Variants in DSCAM observed in about 807,000 individuals in gnomAD.
DSCAM encodes the protein DS cell adhesion molecule, also known as cell adhesion molecule DSCAM.
In DSCAM, 47 loss-of-function variants were observed where a neutral mutation model predicts 217.7. That is an observed-to-expected ratio of 0.22 (90% CI 0.17 to 0.28). The LOEUF is 0.28. Among genes scored for constraint, DSCAM ranks in the 10% least tolerant of loss-of-function variants. The probability of loss-of-function intolerance (pLI) is 1.00; values close to 1 mark genes in which losing one functional copy is unlikely to be tolerated. For missense variants in DSCAM, 2,080 were observed against 2,618.3 expected, an observed-to-expected ratio of 0.79 and a Z score of 4.49; for synonymous variants, 1,056 against 1,015.3, an observed-to-expected ratio of 1.04 and a Z score of -0.76.
At chr21:40,563,123 A>C (rs906711654) in intron 3 of DSCAM, among the ~76,000 whole-genome samples, 2 of 152,108 alleles carry the variant, frequency 1.3e-5, no homozygotes, top group Non-Finnish European at 2.9e-5. Context: ...ACCACATCTC[A>C]AAATGTCAAA....
intron 16 of DSCAM, among the ~76,000 whole-genome samples, chr21:40,158,116 G>A (rs2146752398): frequency 6.6e-6 from 1 of 152,324 alleles, no homozygotes; most frequent in Non-Finnish European, 1.5e-5. Context: ...AAGGCACAGT[G>A]GCTCATGCCT....
intron 2 of DSCAM, among the ~76,000 whole-genome samples, chr21:40,699,765 G>A (rs1020329617): frequency 6.6e-6 from 1 of 152,216 alleles, no homozygotes; most frequent in African/African-American, 2.4e-5. Flanking sequence ...CTGGAAGCTA[G>A]CAGAGGTTGG....
Position 40,075,159 on chromosome 21 carries a change from G to T in DSCAM, c.4766C>A (p.Thr1589Asn), listed in dbSNP as rs767263741. The T allele has an allele frequency of 3.6e-5, 58 of 1,614,100 alleles. No homozygotes were observed. Among genetic ancestry groups the T allele is most frequent in the Middle Eastern group, 3.3e-4 (2 of 6,084 alleles). ...SVVQNEEGLT[T>N]NEGLKMLVTI... Reference sequence around the variant, plus strand: ...CACCAGCATCTTGAGCCCCTCGTTGGTCGTCAGCCCTTCTTCGTTTTGGAC... The same window carrying T: ...CACCAGCATCTTGAGCCCCTCGTTGTTCGTCAGCCCTTCTTCGTTTTGGAC... The change falls in exon 27 of 33, where the codon ACC becomes AAC. Residue 1589 changes from threonine (T) to asparagine (N), a missense_variant. Thr to Asn is a moderately conservative substitution (Grantham distance 65). Coordinates refer to ENST00000400454, the MANE Select transcript of DSCAM (RefSeq NM_001389.5).
chr21:40,772,866 C>A (rs1016917104), intron 1 of DSCAM, among the ~76,000 whole-genome samples: 1 of 152,226 alleles, frequency 6.6e-6, no homozygotes, highest in Non-Finnish European at 1.5e-5. Context: ...ATAACGATTG[C>A]CATAATCGCC....
At chr21:40,742,157 C>T (rs970100509) in intron 1 of DSCAM, among the ~76,000 whole-genome samples, 2 of 152,154 alleles carry the variant, frequency 1.3e-5, no homozygotes, top group South Asian at 2.1e-4. Flanking sequence ...TATATAATTC[C>T]AAGCAGCTTT....
chr21:40,072,405 G>GGT (rs2089304883), intron 27 of DSCAM, among the ~76,000 whole-genome samples: 1 of 148,882 alleles, frequency 6.7e-6, no homozygotes, highest in Non-Finnish European at 1.5e-5. Context: ...GGAGTGCAGT[G>GGT]GCGGGATCTC....
intron 4 of DSCAM, among the ~76,000 whole-genome samples, chr21:40,357,864 A>AC (rs1601583121): frequency 6.6e-6 from 1 of 151,638 alleles, no homozygotes; most frequent in African/African-American, 2.4e-5. Context: ...AGTATAATAA[A>AC]AAAAAACAAA....
chr21:40,654,824 A>G (rs2090055529), intron 3 of DSCAM, among the ~76,000 whole-genome samples: 2 of 152,160 alleles, frequency 1.3e-5, no homozygotes, highest in Non-Finnish European at 2.9e-5. Context: ...ATTCTTAATC[A>G]CATCTGCAAA....
At chr21:40,229,728 G>T (rs867702831) in intron 11 of DSCAM, among the ~76,000 whole-genome samples, 4 of 152,286 alleles carry the variant, frequency 2.6e-5, no homozygotes, top group Middle Eastern at 6.8e-3. Context: ...CCAAACAAAA[G>T]TTTGTATTTA....
At chr21:40,045,774 C>T (rs1180823692) in intron 30 of DSCAM, among the ~76,000 whole-genome samples, 6 of 152,180 alleles carry the variant, frequency 3.9e-5, no homozygotes, top group African/African-American at 1.4e-4. Flanking sequence ...TGGGCTCTCA[C>T]GAAGTTTCAA....
At chr21:40,392,073 T>C (rs1004903756) in intron 3 of DSCAM, among the ~76,000 whole-genome samples, 2 of 152,202 alleles carry the variant, frequency 1.3e-5, no homozygotes, top group African/African-American at 4.8e-5. Flanking sequence ...ATTTCTTATT[T>C]CCTTCATTAT....
intron 3 of DSCAM, chr21:40,383,064 C>G (rs1160468672): frequency 6.6e-6 from 1 of 152,292 alleles, no homozygotes; most frequent in Non-Finnish European, 1.5e-5. Flanking sequence ...GCAGGTCACT[C>G]ATGCCTGTAA....
At chr21:40,335,372 T>C (rs952458218) in intron 8 of DSCAM, among the ~76,000 whole-genome samples, 5 of 152,206 alleles carry the variant, frequency 3.3e-5, no homozygotes, top group African/African-American at 1.2e-4. Context: ...TAGAATTATT[T>C]CCTAAAATCA....
At chr21:40,085,528 T>TTAAAACAA in intron 23 of DSCAM, 74 bp downstream of exon 23, 1 of 1,288,834 alleles carries the variant, frequency 7.8e-7, no homozygotes, top group Non-Finnish European at 1.0e-6. Flanking sequence ...TTTTAAAATT[T>TTAAAACAA]GTTCAGTGCT....
chr21:40,732,251 G>A (rs2091020109), intron 1 of DSCAM, among the ~76,000 whole-genome samples: 1 of 152,168 alleles, frequency 6.6e-6, no homozygotes, highest in Admixed American at 6.5e-5. Context: ...TATCACCCTA[G>A]GACCCTCCCT....
chr21:40,663,632 A>G (rs903552793), intron 3 of DSCAM, among the ~76,000 whole-genome samples: 2 of 152,172 alleles, frequency 1.3e-5, no homozygotes, highest in African/African-American at 4.8e-5. Context: ...GACCCTTCTC[A>G]GGGATTTTGG....
intron 3 of DSCAM, among the ~76,000 whole-genome samples, chr21:40,465,636 T>C (rs2075838404): frequency 6.6e-6 from 1 of 152,248 alleles, no homozygotes; most frequent in Non-Finnish European, 1.5e-5. Context: ...TAAACTTTCT[T>C]AAAACATGAG....
chr21:40,464,082 T>G (rs559591827), intron 3 of DSCAM, among the ~76,000 whole-genome samples: 1 of 152,306 alleles, frequency 6.6e-6, no homozygotes, highest in East Asian at 1.9e-4. Context: ...CCATATCCAT[T>G]TTCATGATTT....
At chr21:40,187,802 A>G (rs2090911375) in intron 13 of DSCAM, 89 bp downstream of exon 13, 1 of 1,148,788 alleles carries the variant, frequency 8.7e-7, no homozygotes, top group African/African-American at 1.5e-5. Flanking sequence ...TTACATGGCA[A>G]GTTGAGGACA....
Sources: allele counts gnomAD v4.1 joint callset (sites outside exome capture counted in the v4.1 genomes callset), GRCh38; gene constraint gnomAD v4.1.1; transcripts MANE v1.5; gene names NCBI Gene and HGNC (gene_info 2026-07-23, HGNC 2026-07-21).